Variants in DENND5B observed in about 807,000 individuals in gnomAD.
DENND5B encodes the protein DENN domain-containing protein 5B.
DENND5B carries 34 observed loss-of-function variants against 140.6 expected under a neutral mutation model. The ratio of observed to expected loss-of-function variants is 0.24; its 90% CI spans 0.18 to 0.32. The LOEUF (loss-of-function observed/expected upper bound fraction) is 0.32. DENND5B is among the 10% of genes least tolerant of loss of function. DENND5B has a pLI of 1.00. For missense variants in DENND5B, 1,142 were observed against 1,560.2 expected, an observed-to-expected ratio of 0.73 and a Z score of 4.52; for synonymous variants, 551 against 562.1, an observed-to-expected ratio of 0.98 and a Z score of 0.28.
intron 8 of DENND5B, among the ~76,000 whole-genome samples, chr12:31,429,412 A>T (rs909784946): frequency 6.0e-4 from 92 of 152,098 alleles, no homozygotes; most frequent in Middle Eastern, 3.4e-3. Context: ...ATTTATTATT[A>T]TTATTTTTTT....
At chr12:31,499,465 C>T in intron 1 of DENND5B, 1 of 535,658 alleles carries the variant, frequency 1.9e-6, no homozygotes, top group Non-Finnish European at 2.9e-6. Context: ...AATTAAGATG[C>T]AGATGAGAGA....
At chr12:31,489,331 G>T (rs1307803984) in intron 2 of DENND5B, among the ~76,000 whole-genome samples, 1 of 148,928 alleles carries the variant, frequency 6.7e-6, no homozygotes, top group African/African-American at 2.5e-5. Flanking sequence ...TTTGTCCCAT[G>T]TTTTGCATTA....
chr12:31,447,004 G>C (rs968423946), intron 6 of DENND5B, among the ~76,000 whole-genome samples: 1 of 152,126 alleles, frequency 6.6e-6, no homozygotes, highest in African/African-American at 2.4e-5. Context: ...GGACATGGTG[G>C]CTCACACCTG....
At chr12:31,514,837 T>TAAA (rs368625783) in intron 1 of DENND5B, among the ~76,000 whole-genome samples, 30 of 149,038 alleles carry the variant, frequency 2.0e-4, no homozygotes, top group African/African-American at 6.2e-4. Flanking sequence ...AAAAAAAAAA[T>TAAA]TAAGATTTGT....
rs7966566 is a variant in DENND5B, at chr12:31,402,910, C to T, written c.2804-267G>A. 6.1e-3 allele frequency among the ~76,000 whole-genome samples: 922 copies of T among 152,110 alleles called. 5 individuals are homozygous for T. The highest frequency in any genetic ancestry group is 0.01 in the Non-Finnish European group (696 of 68,004). ...GTATGATGCATATATCAACATTAAACGTATGAACAATCTCAAGCATTAGCA... is the reference window on the plus strand; with the variant it reads ...GTATGATGCATATATCAACATTAAATGTATGAACAATCTCAAGCATTAGCA... On this transcript the variant is annotated intron_variant, in intron 14 of 20. Coordinates refer to ENST00000389082, the MANE Select transcript of DENND5B (RefSeq NM_144973.4).
At position 31,383,599 on chromosome 12, in the gene DENND5B, A is replaced by T. The variant is rs1249705729; in HGVS notation, c.*4004T>A. 6.6e-6 allele frequency: 1 copy of T among 152,214 alleles called. No individual in the cohort carries two copies. Among genetic ancestry groups the T allele is most frequent in the South Asian group, 2.1e-4 (1 of 4,832 alleles). The allele number at this position is 152,214 out of a possible 1,614,324, so 9.4% of individuals were successfully genotyped here. ...CACTTCTGCAAGGTTGAAGTTTCTCATATCAAATTCTCATTCCCAGTGGAA... is the reference window on the plus strand; with the variant it reads ...CACTTCTGCAAGGTTGAAGTTTCTCTTATCAAATTCTCATTCCCAGTGGAA... On this transcript the variant is annotated 3_prime_UTR_variant, in exon 21 of 21. Transcript: ENST00000389082.
At chr12:31,514,278 G>A (rs1223847387) in intron 1 of DENND5B, among the ~76,000 whole-genome samples, 3 of 152,122 alleles carry the variant, frequency 2.0e-5, no homozygotes, top group Admixed American at 6.6e-5. Context: ...GTCAAGGTTT[G>A]TAGTAGGCTA....
In DENND5B at chr12:31,442,837, A is replaced by G. The variant is rs1944096607; in HGVS notation, c.1950T>C (p.Tyr650=). Residue 650 remains tyrosine (Y), a synonymous_variant, in exon 7 of 21, where the codon TAT becomes TAC. Coordinates refer to ENST00000389082, the MANE Select transcript of DENND5B (RefSeq NM_144973.4). ...GTAACTTTGGAAAGAACCCCTGCTC[A>G]TATTTGCCTTGACCAATTTTCATAT... ...LLDMKIGQGK[Y]EQGFFPKLQS... 1 of 1,613,484 alleles carries G rather than the reference A, an allele frequency of 6.2e-7. No homozygotes were observed. The highest frequency in any genetic ancestry group is 8.5e-7 in the Non-Finnish European group (1 of 1,179,788).
At chr12:31,410,842 G>A (rs1017021241) in intron 13 of DENND5B, among the ~76,000 whole-genome samples, 7 of 152,056 alleles carry the variant, frequency 4.6e-5, no homozygotes, top group Non-Finnish European at 8.8e-5. Context: ...CTTCTGATAC[G>A]GTGAAATGTT....
At chr12:31,398,141 T>C (rs1941585734) in intron 17 of DENND5B, 34 bp downstream of exon 17, 5 of 1,544,068 alleles carry the variant, frequency 3.2e-6, no homozygotes, top group Non-Finnish European at 4.4e-6. Flanking sequence ...GCCTACATCA[T>C]AGGAGCACAT....
chr12:31,413,680 G>C, intron 12 of DENND5B, 116 bp from the exon 13 acceptor site: 1 of 1,117,908 alleles, frequency 8.9e-7, no homozygotes. Flanking sequence ...GGGAGCAATG[G>C]ATAATATACA....
intron 2 of DENND5B, among the ~76,000 whole-genome samples, chr12:31,480,939 G>A (rs553703039): frequency 6.6e-6 from 1 of 152,152 alleles, no homozygotes; most frequent in South Asian, 2.1e-4. Context: ...CAGGATTGAG[G>A]AAACTTGAGA....
intron 1 of DENND5B, among the ~76,000 whole-genome samples, chr12:31,507,277 C>T (rs1947239842): frequency 6.6e-6 from 1 of 151,960 alleles, no homozygotes; most frequent in South Asian, 2.1e-4. Flanking sequence ...GCTAGGACTA[C>T]AGGTGCACGC....
chr12:31,424,438 G>T (rs570628429), intron 10 of DENND5B, 97 bp downstream of exon 10: 3 of 1,379,974 alleles, frequency 2.2e-6, no homozygotes, highest in South Asian at 1.7e-5. Context: ...TGTGACAAAA[G>T]AGCCTATTTT....
At chr12:31,477,484 A>G (rs1223032458) in intron 3 of DENND5B, 1 of 152,348 alleles carries the variant, frequency 6.6e-6, no homozygotes, top group Non-Finnish European at 1.5e-5. Flanking sequence ...CGCTCTCTCT[A>G]AAGAGAACAG....
intron 2 of DENND5B, among the ~76,000 whole-genome samples, chr12:31,488,850 C>T (rs1946408783): frequency 6.6e-6 from 1 of 152,144 alleles, no homozygotes; most frequent in South Asian, 2.1e-4. Flanking sequence ...CACCATCCCA[C>T]AATAAAACAA....
chr12:31,424,033 T>C (rs1395107392), intron 10 of DENND5B, among the ~76,000 whole-genome samples: 1 of 152,172 alleles, frequency 6.6e-6, no homozygotes, highest in East Asian at 1.9e-4. Context: ...CAGAATGTAC[T>C]TGTGTACATC....
chr12:31,543,063 G>A (rs371340128), intron 1 of DENND5B, among the ~76,000 whole-genome samples: 10 of 152,052 alleles, frequency 6.6e-5, no homozygotes, highest in African/African-American at 2.4e-4. Context: ...GCCAGGCATG[G>A]TAGCCCATGC....
chr12:31,488,080 C>T (rs1946378212), intron 2 of DENND5B, among the ~76,000 whole-genome samples: 2 of 152,052 alleles, frequency 1.3e-5, no homozygotes, highest in South Asian at 4.1e-4. Context: ...CTCAGCCTCC[C>T]AAGTAGCTGG....
Sources: allele counts gnomAD v4.1 joint callset (sites outside exome capture counted in the v4.1 genomes callset), GRCh38; gene constraint gnomAD v4.1.1; transcripts MANE v1.5; gene names NCBI Gene and HGNC (gene_info 2026-07-23, HGNC 2026-07-21).